MTHFD1L: variants seen among roughly 807,000 people sequenced by gnomAD.
The protein encoded by MTHFD1L is methylenetetrahydrofolate dehydrogenase (NADP+ dependent) 1 like.
MTHFD1L carries 81 observed loss-of-function variants against 119.5 expected under a neutral mutation model. That is an observed-to-expected ratio of 0.68 (90% CI 0.57 to 0.82). The LOEUF (loss-of-function observed/expected upper bound fraction) is 0.82, where lower values mean the gene tolerates loss of function less well. Ranked by LOEUF, MTHFD1L falls within the 40% of genes least tolerant of loss-of-function variation. The pLI is 0.00. For missense variants in MTHFD1L, 1,125 were observed against 1,253.4 expected, an observed-to-expected ratio of 0.90 and a Z score of 1.55; for synonymous variants, 430 against 475.2, an observed-to-expected ratio of 0.90 and a Z score of 1.24.
At chr6:151,016,767 C>CT (rs1783125569) in intron 24 of MTHFD1L, 5 of 300,400 alleles carry the variant, frequency 1.7e-5, no homozygotes, top group Admixed American at 4.6e-5. Flanking sequence ...ACTATCTTAG[C>CT]CTTTTTTTTT....
At chr6:151,022,644 C>T (rs1784094961) in intron 24 of MTHFD1L, among the ~76,000 whole-genome samples, 1 of 152,198 alleles carries the variant, frequency 6.6e-6, no homozygotes, top group Non-Finnish European at 1.5e-5. Flanking sequence ...GAAAAGCTGT[C>T]TTCCCCCTCA....
At position 151,037,157 on chromosome 6, in the gene MTHFD1L, C is replaced by T. The variant is rs375269605; in HGVS notation, c.2847+40C>T. 26 of 1,608,006 alleles carry T rather than the reference C, an allele frequency of 1.6e-5. No homozygotes were observed. In the African/African-American group the frequency reaches 2.9e-4, roughly 18 times the overall value. ...TTTTCCAAAAACCCTCCCCATTCTG[C>T]ATTGCTGTGGTGCCTCAAATCGTTA... On this transcript the variant is annotated intron_variant, in intron 26 of 27. Coordinates refer to ENST00000367321, the MANE Select transcript of MTHFD1L (RefSeq NM_015440.5).
At chr6:151,028,997 G>A (rs190325897) in intron 24 of MTHFD1L, among the ~76,000 whole-genome samples, 2 of 152,238 alleles carry the variant, frequency 1.3e-5, no homozygotes, top group Admixed American at 1.3e-4. Context: ...CTTGAGCCCA[G>A]GAAGTTGAGG....
At chr6:151,020,287 A>G (rs1783770030) in intron 24 of MTHFD1L, among the ~76,000 whole-genome samples, 1 of 152,224 alleles carries the variant, frequency 6.6e-6, no homozygotes, top group African/African-American at 2.4e-5. Context: ...ATTGTCTCGG[A>G]ACCCCACTGG....
At chr6:150,993,919 G>A (rs945993229) in intron 20 of MTHFD1L, among the ~76,000 whole-genome samples, 2 of 151,674 alleles carry the variant, frequency 1.3e-5, no homozygotes, top group African/African-American at 4.9e-5. Context: ...TTAACATTGT[G>A]CAGAAAAAGA....
At chr6:150,983,206 C>G (rs899333301) in intron 20 of MTHFD1L, among the ~76,000 whole-genome samples, 5 of 152,138 alleles carry the variant, frequency 3.3e-5, no homozygotes, top group Non-Finnish European at 7.4e-5. Context: ...TTACAAATAT[C>G]TTCTCCCCTG....
In MTHFD1L at chr6:151,069,251, T is replaced by C. The variant is rs200913927; in HGVS notation, c.2848-23216T>C. On this transcript the variant is annotated intron_variant, in intron 26 of 27. Transcript: ENST00000367321. ...AGGCCCAAAACTATCTTCTCTCTCT[T>C]TCTCTCTCTCTCTCTCTCTCTCTCT... is the stretch of plus-strand genomic sequence containing the variant. Among the ~76,000 whole-genome samples the C allele has an allele frequency of 2.9e-4, 39 of 136,638 alleles. 1 individual carries two copies. Among genetic ancestry groups the C allele is most frequent in the East Asian group, 1.1e-3 (5 of 4,440 alleles). 89.6% of individuals were successfully genotyped at this position (136,638 alleles called of 152,430 possible).
intron 26 of MTHFD1L, among the ~76,000 whole-genome samples, chr6:151,052,519 A>T (rs9371491): frequency 0.13 from 19,754 of 152,134 alleles, 1,986 homozygotes; most frequent in East Asian, 0.54. Context: ...AGGTGTCTTA[A>T]AAAGAGGAGC....
chr6:150,939,403 T>A (rs2128944584), intron 13 of MTHFD1L: 1 of 152,500 alleles, frequency 6.6e-6, no homozygotes, highest in Admixed American at 6.5e-5. Context: ...CTCACTTCTG[T>A]AAGAACTCCA....
At chr6:151,052,157 G>A (rs889645281) in intron 26 of MTHFD1L, among the ~76,000 whole-genome samples, 1 of 152,208 alleles carries the variant, frequency 6.6e-6, no homozygotes, top group African/African-American at 2.4e-5. Flanking sequence ...TGACTGACCC[G>A]CGAGTGCCCT....
intron 20 of MTHFD1L, among the ~76,000 whole-genome samples, chr6:150,973,480 G>A (rs764490142): frequency 2.6e-5 from 4 of 152,188 alleles, no homozygotes; most frequent in African/African-American, 9.7e-5. Flanking sequence ...GGACGAGGAG[G>A]CTGGGTCAGG....
intron 11 of MTHFD1L, chr6:150,935,183 T>C: frequency 1.2e-5 from 20 of 1,612,170 alleles, no homozygotes; most frequent in Non-Finnish European, 1.7e-5. Flanking sequence ...CACTTTTCAC[T>C]TCTGGGATGT....
chr6:150,915,500 A>G (rs1457799271), intron 8 of MTHFD1L, among the ~76,000 whole-genome samples: 1 of 152,226 alleles, frequency 6.6e-6, no homozygotes, highest in Non-Finnish European at 1.5e-5. Context: ...TGGAAGTGAA[A>G]TATTCTTCAC....
intron 4 of MTHFD1L, 118 bp downstream of exon 4, chr6:150,877,944 TAGAGGGAAGAC>T: frequency 8.6e-7 from 1 of 1,164,684 alleles, no homozygotes; most frequent in South Asian, 1.3e-5. Flanking sequence ...GACTGAATGT[TAGAGGGAAGAC>T]TTCACTTCTT....
At chr6:150,866,083 C>T in intron 1 of MTHFD1L, 34 bp downstream of exon 1, 1 of 1,480,930 alleles carries the variant, frequency 6.8e-7, no homozygotes, top group Non-Finnish European at 8.9e-7. Context: ...CCCAGGTCTC[C>T]AGCGGCTGTG....
At chr6:150,881,608 C>T (rs1259580104) in intron 4 of MTHFD1L, among the ~76,000 whole-genome samples, 2 of 152,134 alleles carry the variant, frequency 1.3e-5, no homozygotes, top group Non-Finnish European at 2.9e-5. Context: ...CCACCCTCCA[C>T]CCATCATCAC....
intron 8 of MTHFD1L, among the ~76,000 whole-genome samples, chr6:150,918,148 C>T (rs1471341041): frequency 4.0e-5 from 6 of 150,500 alleles, no homozygotes; most frequent in Non-Finnish European, 7.4e-5. Context: ...TCACTGCAAC[C>T]TCCACCTTCC....
chr6:150,880,003 G>A (rs1352842121), intron 4 of MTHFD1L, among the ~76,000 whole-genome samples: 1 of 152,160 alleles, frequency 6.6e-6, no homozygotes, highest in East Asian at 1.9e-4. Context: ...GTGCATGTGT[G>A]TGGGGTACAG....
chr6:151,017,830 C>CTGTTTTTT (rs1783344999), intron 24 of MTHFD1L, among the ~76,000 whole-genome samples: 1 of 99,012 alleles, frequency 1.0e-5, no homozygotes, highest in African/African-American at 4.1e-5. Context: ...ACCGTGTTTT[C>CTGTTTTTT]TTTTTTTTTT....
Sources: gnomAD v4.1 joint callset for allele counts (sites outside exome capture counted in the v4.1 genomes callset) on GRCh38, gnomAD v4.1.1 for gene constraint, MANE v1.5 for transcripts, NCBI Gene and HGNC (gene_info 2026-07-23, HGNC 2026-07-21) for gene names.